Variants in CACNA1H observed in about 807,000 individuals in gnomAD.
CACNA1H encodes the protein voltage-dependent T-type calcium channel subunit alpha-1H.
A neutral mutation model predicts 192.5 loss-of-function variants in CACNA1H; 149 were observed. That is an observed-to-expected ratio of 0.77 (90% confidence interval 0.68 to 0.89). CACNA1H has a LOEUF of 0.89. Ranked by LOEUF, CACNA1H falls within the 40% of genes least tolerant of loss-of-function variation. The pLI, the probability that CACNA1H is intolerant of heterozygous loss-of-function variation, is 0.00. For synonymous variants in CACNA1H, 2,202 were observed against 1,475.2 expected (o/e 1.49, Z -11.29); for missense variants, 4,257 against 3,423.5 (o/e 1.24, Z -6.08).
intron 6 of CACNA1H, among the ~76,000 whole-genome samples, chr16:1,199,642 G>GCCCTCACCCCGGGGTCCCCTCAA: frequency 6.8e-6 from 1 of 146,424 alleles, no homozygotes; most frequent in African/African-American, 2.6e-5. Flanking sequence ...TCTCTCCTCA[G>GCCCTCACCCCGGGGTCCCCTCAA]CCCTCACCCC....
chr16:1,172,679 G>A (rs1008701741), intron 2 of CACNA1H, among the ~76,000 whole-genome samples: 9 of 152,172 alleles, frequency 5.9e-5, no homozygotes, highest in Admixed American at 5.9e-4. Flanking sequence ...GTAGCCACAG[G>A]GGCAGAGCCA....
chr16:1,216,430 G>A (rs999981344), intron 30 of CACNA1H, among the ~76,000 whole-genome samples: 1 of 151,230 alleles, frequency 6.6e-6, no homozygotes, highest in Non-Finnish European at 1.5e-5. Context: ...CAAATGCTGG[G>A]GCTGGTGGGT....
intron 2 of CACNA1H, among the ~76,000 whole-genome samples, chr16:1,190,329 G>A (rs1008234858): frequency 1.3e-5 from 2 of 152,258 alleles, no homozygotes; most frequent in African/African-American, 2.4e-5. Context: ...CCATCTGTAT[G>A]ATTAAGCCTC....
rs780484004 is a variant in CACNA1H, at chr16:1,210,568, G to A, written c.3970-15G>A. On this transcript the variant is annotated splice_polypyrimidine_tract_variant and intron_variant, in intron 19 of 34. Coordinates refer to ENST00000348261, the MANE Select transcript of CACNA1H (RefSeq NM_021098.3). ...GGTGGAGTGGACACAGCCCCCCACCGTCCTCTCCCGGCAGGAGCGGGTCTT... is the reference window on the plus strand; with the variant it reads ...GGTGGAGTGGACACAGCCCCCCACCATCCTCTCCCGGCAGGAGCGGGTCTT... The A allele has an allele frequency of 7.7e-5, 124 of 1,609,476 alleles. No individual in the cohort carries two copies. Among genetic ancestry groups the A allele is most frequent in the Non-Finnish European group, 9.0e-5 (106 of 1,179,730 alleles).
At chr16:1,173,566 T>C (rs1447245320) in intron 2 of CACNA1H, among the ~76,000 whole-genome samples, 2 of 152,392 alleles carry the variant, frequency 1.3e-5, no homozygotes, top group East Asian at 1.9e-4. Context: ...ACACGTCCTT[T>C]TATGGAAAAG....
intron 2 of CACNA1H, among the ~76,000 whole-genome samples, chr16:1,171,810 G>A (rs1319011714): frequency 6.6e-6 from 1 of 152,160 alleles, no homozygotes; most frequent in African/African-American, 2.4e-5. Context: ...CCCCCAACTC[G>A]GCTCCGTCTC....
chr16:1,196,096 A>G, intron 5 of CACNA1H, 73 bp downstream of exon 5: 6 of 1,185,488 alleles, frequency 5.1e-6, no homozygotes, highest in Admixed American at 1.8e-5. Flanking sequence ...AGCTCTCAAA[A>G]GGGCCCCCAG....
chr16:1,211,095 C>T, intron 21 of CACNA1H, 73 bp from the exon 22 acceptor site: 8 of 1,581,478 alleles, frequency 5.1e-6, no homozygotes, highest in South Asian at 1.1e-5. Flanking sequence ...ACCTTGGGAC[C>T]TTTGCTGAGC....
rs1967291182 is a variant in CACNA1H, at chr16:1,198,627, T to A, written c.656T>A (p.Leu219Gln). 6.2e-7 allele frequency: 1 copy of A among 1,613,038 alleles called. No homozygotes were observed. Among genetic ancestry groups the A allele is most frequent in the Non-Finnish European group, 8.5e-7 (1 of 1,179,622 alleles). The change falls in exon 6 of 35, where the codon CTG becomes CAG. Residue 219 changes from leucine (L) to glutamine (Q), a missense_variant. Coordinates refer to ENST00000348261, the MANE Select transcript of CACNA1H (RefSeq NM_021098.3). ...CTGCTGCCCACAGGCATGCGGATCC[T>A]GGTCACTCTGCTGCTGGATACGCTG... ...AINRVPSMRI[L>Q]VTLLLDTLPM...
chr16:1,211,773 G>T lies in CACNA1H; in HGVS notation c.4534G>T (p.Asp1512Tyr). Residue 1512 changes from aspartate (D) to tyrosine (Y), a missense_variant, in exon 24 of 35, where the codon GAC becomes TAC. By Grantham distance (160) the Asp-to-Tyr change is radical. Coordinates refer to ENST00000348261, the MANE Select transcript of CACNA1H (RefSeq NM_021098.3). Reference protein sequence around the residue: ...SKDGWVNIMYDGLDAVGVDQQ... With the variant: ...SKDGWVNIMYYGLDAVGVDQQ... ...GGATGGATGGGTGAACATCATGTACGACGGGCTGGATGCCGTGGGTGTCGA... is the reference window on the plus strand; with the variant it reads ...GGATGGATGGGTGAACATCATGTACTACGGGCTGGATGCCGTGGGTGTCGA... The T allele has an allele frequency of 6.2e-7, 1 of 1,612,716 alleles. No individual in the cohort carries two copies. The highest frequency in any genetic ancestry group is 8.5e-7 in the Non-Finnish European group (1 of 1,179,734).
intron 8 of CACNA1H, 103 bp from the exon 9 acceptor site, chr16:1,201,560 C>T (rs1425635652): frequency 3.6e-6 from 5 of 1,379,184 alleles, no homozygotes; most frequent in African/African-American, 2.9e-5. Context: ...CCCACTGTGC[C>T]TGTGACGCGG....
At chr16:1,154,430 C>T (rs570254473) in intron 2 of CACNA1H, among the ~76,000 whole-genome samples, 53 of 152,166 alleles carry the variant, frequency 3.5e-4, no homozygotes, top group African/African-American at 1.2e-3. Context: ...AGGTCCTGCC[C>T]GAGGCAGGCC....
At position 1,159,023 on chromosome 16, in the gene CACNA1H, C is replaced by T. The variant is rs563296878; in HGVS notation, c.299+4987C>T. 8.5e-5 allele frequency among the ~76,000 whole-genome samples: 13 copies of T among 152,370 alleles called. No individual in the cohort carries two copies. The East Asian group carries it at 2.3e-3, about 27-fold the overall frequency. ...TGGGATCGTCCTTGGCACTGACTGA[C>T]CTCAGGGCCCCTGTTCGCCTGCCTG... On this transcript the variant is annotated intron_variant, in intron 2 of 34. Coordinates refer to ENST00000348261, the MANE Select transcript of CACNA1H (RefSeq NM_021098.3).
Position 1,153,439 on chromosome 16 carries a change from C to T in CACNA1H, c.-50C>T, listed in dbSNP as rs1445904194. 2 of 156,144 alleles carry T rather than the reference C, an allele frequency of 1.3e-5. No individual in the cohort carries two copies. Among genetic ancestry groups the T allele is most frequent in the Non-Finnish European group, 2.8e-5 (2 of 72,062 alleles). The allele number at this position is 156,144 out of a possible 1,614,324, so 9.7% of individuals were successfully genotyped here. On this transcript the variant is annotated 5_prime_UTR_variant, in exon 1 of 35. Transcript: ENST00000348261. ...CGGTGACCGCGCCGCCCGGGCGATGCCCGCGGGGACGCCGCCGGCCAGCAG... is the reference window on the plus strand; with the variant it reads ...CGGTGACCGCGCCGCCCGGGCGATGTCCGCGGGGACGCCGCCGGCCAGCAG...
intron 2 of CACNA1H, among the ~76,000 whole-genome samples, chr16:1,156,684 C>T (rs1962447285): frequency 6.6e-6 from 1 of 152,140 alleles, no homozygotes; most frequent in Non-Finnish European, 1.5e-5. Flanking sequence ...CGGATTTGCT[C>T]AGGGAACCCA....
intron 6 of CACNA1H, among the ~76,000 whole-genome samples, chr16:1,199,666 C>T (rs1352212431): frequency 4.0e-5 from 6 of 149,588 alleles, no homozygotes; most frequent in Non-Finnish European, 5.9e-5. Flanking sequence ...GTCCCCTCAA[C>T]CCTCACCCCG....
At position 1,202,064 on chromosome 16, in the gene CACNA1H, G is replaced by A. The variant is rs1383742728; in HGVS notation, c.1614G>A (p.Arg538=). The A allele has an allele frequency of 6.5e-7, 1 of 1,539,462 alleles. No homozygotes were observed. Among genetic ancestry groups the A allele is most frequent in the Non-Finnish European group, 8.7e-7 (1 of 1,144,698 alleles). The change falls in exon 9 of 35, where the codon AGG becomes AGA. Residue 538 remains arginine (R), a synonymous_variant. Coordinates refer to ENST00000348261, the MANE Select transcript of CACNA1H (RefSeq NM_021098.3). ...HYHFSHGSPR[R]PGPEPGACDT... ...ATTTCAGCCATGGCAGCCCCCGCAG[G>A]CCCGGCCCCGAGCCAGGCGCCTGCG...
In CACNA1H at chr16:1,201,935, G is replaced by T; in HGVS notation, c.1485G>T (p.Val495=). 1 of 1,549,192 alleles carries T rather than the reference G, an allele frequency of 6.5e-7. No individual in the cohort carries two copies. The highest frequency in any genetic ancestry group is 8.7e-7 in the Non-Finnish European group (1 of 1,146,388). The change falls in exon 9 of 35, where the codon GTG becomes GTT. Residue 495 remains valine (V), a synonymous_variant. Coordinates refer to ENST00000348261, the MANE Select transcript of CACNA1H (RefSeq NM_021098.3). ...RWRKKVDPSA[V]QGQGPGHRQR... is the part of the protein sequence containing the mutation. ...GCAAGAAGGTGGACCCCAGTGCTGTGCAAGGCCAGGGTCCCGGGCACCGCC... is the reference window on the plus strand; with the variant it reads ...GCAAGAAGGTGGACCCCAGTGCTGTTCAAGGCCAGGGTCCCGGGCACCGCC...
rs1439734393 is a variant in CACNA1H, at chr16:1,202,213, G to A, written c.1763G>A (p.Arg588Lys). The change falls in exon 9 of 35, where the codon AGG (arginine) becomes AAG (lysine). Residue 588 changes from arginine (R) to lysine (K), a missense_variant. Physicochemically the swap from Arg to Lys is conservative, Grantham distance 26. Coordinates refer to ENST00000348261, the MANE Select transcript of CACNA1H (RefSeq NM_021098.3). ...TGCCACATAGAGGGGCCGCAGGAGA[G>A]GGCCCGGGTGGCACATGCCGCAGCC... ...ADCHIEGPQE[R>K]ARVAHAAATA... 12 of 1,553,424 alleles carry A rather than the reference G, an allele frequency of 7.7e-6. No homozygotes were observed. In the Admixed American group the frequency reaches 7.8e-5, roughly 10 times the overall value.
Sources: gnomAD v4.1 joint callset for allele counts (sites outside exome capture counted in the v4.1 genomes callset) on GRCh38, gnomAD v4.1.1 for gene constraint, MANE v1.5 for transcripts, NCBI Gene and HGNC (gene_info 2026-07-23, HGNC 2026-07-21) for gene names.